The following MEP1B variants were observed in gnomAD, a reference collection of about 807,000 sequenced individuals.
MEP1B encodes N-benzoyl-L-tyrosyl-P-amino-benzoic acid hydrolase subunit beta.
In MEP1B, 80 loss-of-function variants were observed where a neutral mutation model predicts 84.6. That is an observed-to-expected ratio of 0.95 (90% CI 0.79 to 1.14). The LOEUF (loss-of-function observed/expected upper bound fraction) is 1.14, where lower values mean the gene tolerates loss of function less well. Ranked by LOEUF, MEP1B falls within the 50% of genes most tolerant of loss-of-function variation. The pLI is 0.00. For missense variants in MEP1B, 766 were observed against 855.1 expected, an observed-to-expected ratio of 0.90 and a Z score of 1.30; for synonymous variants, 273 against 288.1, an observed-to-expected ratio of 0.95 and a Z score of 0.53.
intron 7 of MEP1B, among the ~76,000 whole-genome samples, chr18:32,205,405 G>T (rs1045486414): frequency 2.0e-5 from 3 of 152,192 alleles, no homozygotes; most frequent in Admixed American, 2.0e-4. Context: ...TTGCTATTAT[G>T]TCTGAGGCAC....
At position 32,201,590 on chromosome 18, in the gene MEP1B, T is replaced by C. The variant is rs562432420; in HGVS notation, c.251-1303T>C. Among the ~76,000 whole-genome samples, 3 of 152,342 alleles carry C rather than the reference T, an allele frequency of 2.0e-5. No individual in the cohort carries two copies. The South Asian group carries it at 6.2e-4, about 32-fold the overall frequency. On this transcript the variant is annotated intron_variant, in intron 5 of 14. Transcript: ENST00000269202. Reference sequence around the variant, plus strand: ...TGAAAAAATAGTTGGTAAAATGCTATGTAGATGACTTTATTTTTTATAGAA... The same window carrying C: ...TGAAAAAATAGTTGGTAAAATGCTACGTAGATGACTTTATTTTTTATAGAA...
intron 1 of MEP1B, among the ~76,000 whole-genome samples, chr18:32,190,747 G>T (rs1193309883): frequency 6.6e-6 from 1 of 152,090 alleles, no homozygotes; most frequent in Non-Finnish European, 1.5e-5. Context: ...ATGAATACAT[G>T]TTAAAGTGTA....
At chr18:32,190,611 C>T (rs1332010174) in intron 1 of MEP1B, among the ~76,000 whole-genome samples, 1 of 152,058 alleles carries the variant, frequency 6.6e-6, no homozygotes, top group East Asian at 1.9e-4. Flanking sequence ...CAAACCAACC[C>T]AAGGTTTTAA....
rs2040850796 is a variant in MEP1B, at chr18:32,196,076, C to T, written c.250+591C>T. 4.4e-6 allele frequency: 2 copies of T among 455,764 alleles called. No homozygotes were observed. The highest frequency in any genetic ancestry group is 8.1e-6 in the Non-Finnish European group (2 of 245,908). 28.2% of individuals were successfully genotyped at this position (455,764 alleles called of 1,614,324 possible). A position where few individuals can be genotyped will look rare whatever the true frequency, so the allele number is the denominator to read the frequency against. ...TCATTGGCAGCCCGGGGCTGGGAAC[C>T]CAGGTCCTCTGGTGCCCCCGCTGGC... On this transcript the variant is annotated intron_variant, in intron 5 of 14. Transcript: ENST00000269202. The surrounding 1 kb of genome is among the most constrained non-coding windows in gnomAD (Gnocchi z 4.4).
At chr18:32,192,562 TA>T (rs2040812396) in intron 2 of MEP1B, 83 bp from the exon 3 acceptor site, 3 of 1,277,006 alleles carry the variant, frequency 2.3e-6, no homozygotes, top group Non-Finnish European at 3.4e-6. Flanking sequence ...GAAACTTGCT[TA>T]GTTCTGATTA....
intron 5 of MEP1B, among the ~76,000 whole-genome samples, chr18:32,199,710 T>TC (rs1300493024): frequency 2.6e-5 from 4 of 151,480 alleles, no homozygotes; most frequent in East Asian, 1.9e-4. Context: ...CTTCCTTCCT[T>TC]CTTTCTTTTT....
chr18:32,210,770 T>A (rs965100256), intron 10 of MEP1B, 54 bp downstream of exon 10: 1 of 1,459,740 alleles, frequency 6.9e-7, no homozygotes, highest in Non-Finnish European at 9.6e-7. Context: ...ATCTTAGGTC[T>A]TTTCTTTAGT....
Position 32,213,399 on chromosome 18 carries a change from A to G in MEP1B, c.1419A>G (p.Ala473=). ...TAAATCTAGCCCATGTGACTAATGC[A>G]GGGATATATTTCCACTTGATCTCTG... The part of the protein sequence containing the change: ...IYLNLAHVTN[A]GIYFHLISGA... The change falls in exon 11 of 15, where the codon GCA becomes GCG. Residue 473 remains alanine, a synonymous_variant. Transcript: ENST00000269202. 1.9e-6 allele frequency: 3 copies of G among 1,613,940 alleles called. No homozygotes were observed. Among genetic ancestry groups the G allele is most frequent in the Non-Finnish European group, 2.5e-6 (3 of 1,179,822 alleles).
intron 8 of MEP1B, 55 bp downstream of exon 8, chr18:32,207,525 A>G: frequency 8.1e-7 from 1 of 1,241,720 alleles, no homozygotes; most frequent in Admixed American, 1.9e-5. Context: ...TGTAGGAAAA[A>G]ATGATGGTCT....
At chr18:32,190,784 A>G (rs962244146) in intron 1 of MEP1B, among the ~76,000 whole-genome samples, 14 of 152,102 alleles carry the variant, frequency 9.2e-5, no homozygotes, top group African/African-American at 3.1e-4. Flanking sequence ...TGATAATTTT[A>G]TTCTGTAGGT....
At chr18:32,193,829 T>C (rs2040826245) in intron 4 of MEP1B, among the ~76,000 whole-genome samples, 1 of 152,144 alleles carries the variant, frequency 6.6e-6, no homozygotes, top group Non-Finnish European at 1.5e-5. Flanking sequence ...CTATCTGTGC[T>C]CTCTCTTGAT....
At chr18:32,209,959 C>T (rs1421673807) in intron 9 of MEP1B, among the ~76,000 whole-genome samples, 1 of 152,178 alleles carries the variant, frequency 6.6e-6, no homozygotes, top group African/African-American at 2.4e-5. Flanking sequence ...CAACTCTCTA[C>T]CCACCCAAGT....
chr18:32,206,922 TTA>T lies in MEP1B; in HGVS notation c.548-329_548-328del, dbSNP rs2040971570. On this transcript the variant is annotated intron_variant, in intron 7 of 14. Coordinates refer to ENST00000269202, the MANE Select transcript of MEP1B (RefSeq NM_005925.3). ...ACCACGCCCGGCCTTAAAATATTTA[TTA>T]GAGATGAGGTCTCACTTTGTTGCCC... 2.0e-5 allele frequency among the ~76,000 whole-genome samples: 3 copies of T among 152,310 alleles called. No homozygotes were observed. The South Asian group carries it at 6.2e-4, about 32-fold the overall frequency.
chr18:32,200,531 A>T (rs1014018883), intron 5 of MEP1B, among the ~76,000 whole-genome samples: 7 of 144,822 alleles, frequency 4.8e-5, no homozygotes, highest in Non-Finnish European at 6.2e-5. Context: ...ACCATCTTCA[A>T]ATGACTCAGA....
intron 5 of MEP1B, among the ~76,000 whole-genome samples, chr18:32,200,822 C>A (rs1349007316): frequency 6.6e-6 from 1 of 152,046 alleles, no homozygotes; most frequent in Non-Finnish European, 1.5e-5. Flanking sequence ...GTGGGGGAGG[C>A]TGAGGGTAAA....
intron 10 of MEP1B, 128 bp from the exon 11 acceptor site, chr18:32,212,988 C>G (rs2041043181): frequency 9.6e-6 from 8 of 830,658 alleles, no homozygotes; most frequent in Non-Finnish European, 1.5e-5. Flanking sequence ...TTGGCAAAAC[C>G]ATACTTCTGA....
chr18:32,217,604 T>G (rs929086717), intron 13 of MEP1B, among the ~76,000 whole-genome samples, 157 bp from the exon 14 acceptor site: 9 of 152,176 alleles, frequency 5.9e-5, no homozygotes, highest in Non-Finnish European at 1.2e-4. Flanking sequence ...GTGCTCTAGG[T>G]GCTAGTCTCT....
chr18:32,216,055 A>T (rs1266962733), intron 12 of MEP1B, among the ~76,000 whole-genome samples: 3 of 149,252 alleles, frequency 2.0e-5, no homozygotes, highest in Non-Finnish European at 3.0e-5. Context: ...TGTTAGACTA[A>T]TGTTAAATTT....
intron 6 of MEP1B, among the ~76,000 whole-genome samples, chr18:32,203,425 A>T (rs1346756213): frequency 2.6e-5 from 4 of 152,162 alleles, no homozygotes; most frequent in Non-Finnish European, 1.5e-5. Context: ...AGCAATTCTG[A>T]GTGGTTGCTG....
Sources: gnomAD v4.1 joint callset for allele counts (sites outside exome capture counted in the v4.1 genomes callset) on GRCh38, gnomAD v4.1.1 for gene constraint, Gnocchi (gnomAD v3.1) non-coding constraint, MANE v1.5 for transcripts, NCBI Gene and HGNC (gene_info 2026-07-23, HGNC 2026-07-21) for gene names.